Variants in MYPN observed in about 807,000 individuals in gnomAD.
MYPN encodes sarcomeric protein myopalladin, 145 kDa (MYOP).
In MYPN, 63 loss-of-function variants were observed where a neutral mutation model predicts 129.4. The observed-to-expected ratio is 0.49, with a 90% CI of 0.40 to 0.60. The LOEUF (loss-of-function observed/expected upper bound fraction) is 0.60, where lower values mean the gene tolerates loss of function less well. MYPN is among the 20% of genes least tolerant of loss of function. The pLI is 0.00. For missense variants in MYPN, 1,596 were observed against 1,635.4 expected (o/e 0.98, Z 0.42); for synonymous variants, 629 against 600.9 (o/e 1.05, Z -0.68).
At chr10:68,105,653 A>G (rs766438177), upstream of MYPN, among the ~76,000 whole-genome samples, 6 of 152,254 alleles carry the variant, frequency 3.9e-5, no homozygotes, top group Non-Finnish European at 8.8e-5. Context: ...AATGCAAACC[A>G]CACAGTAAAG....
At chr10:68,091,393 C>CTTTTTTTTTTTTTTT (rs11301512) in intron 1 of MYPN, among the ~76,000 whole-genome samples, 1 of 106,760 alleles carries the variant, frequency 9.4e-6, no homozygotes, top group African/African-American at 4.0e-5. Context: ...GACTACAGCC[C>CTTTTTTTTTTTTTTT]TTTTTTTTTT....
At chr10:68,168,467 G>A (rs2043087859) in intron 10 of MYPN, among the ~76,000 whole-genome samples, 1 of 152,220 alleles carries the variant, frequency 6.6e-6, no homozygotes, top group Non-Finnish European at 1.5e-5. Context: ...GTCAATATGA[G>A]TGACTGCGGC....
At chr10:68,147,635 T>A (rs1291010950) in intron 4 of MYPN, among the ~76,000 whole-genome samples, 1 of 152,176 alleles carries the variant, frequency 6.6e-6, no homozygotes, top group Non-Finnish European at 1.5e-5. Context: ...CTGACGTGTG[T>A]AATTACTGAT....
At chr10:68,127,319 C>CTTTTTT (rs71470508) in intron 2 of MYPN, among the ~76,000 whole-genome samples, 79 of 72,574 alleles carry the variant, frequency 1.1e-3, no homozygotes, top group East Asian at 2.4e-3. Context: ...ACACATATAT[C>CTTTTTT]TTTTTTTTTT....
At chr10:68,111,496 C>T (rs771643201) in intron 1 of MYPN, among the ~76,000 whole-genome samples, 1 of 152,000 alleles carries the variant, frequency 6.6e-6, no homozygotes, top group African/African-American at 2.4e-5. Context: ...CAGGTTTTCC[C>T]CTCTCCTAGG....
At chr10:68,180,090 C>T (rs1183720385) in intron 12 of MYPN, among the ~76,000 whole-genome samples, 1 of 152,156 alleles carries the variant, frequency 6.6e-6, no homozygotes, top group Admixed American at 6.6e-5. Context: ...TAGGTACTTA[C>T]TAAGAATTTG....
At chr10:68,132,241 T>C (rs759180303) in intron 2 of MYPN, among the ~76,000 whole-genome samples, 2 of 152,232 alleles carry the variant, frequency 1.3e-5, no homozygotes, top group Non-Finnish European at 2.9e-5. Flanking sequence ...TCTGCATTTA[T>C]TGAGCTTATC....
At chr10:68,160,465 A>AG (rs1313414080) in intron 7 of MYPN, among the ~76,000 whole-genome samples, 2 of 148,644 alleles carry the variant, frequency 1.3e-5, no homozygotes, top group African/African-American at 2.5e-5. Context: ...ACAGAGAGAG[A>AG]GAAAAAAAAA....
At chr10:68,156,865 T>C (rs951732960) in intron 6 of MYPN, among the ~76,000 whole-genome samples, 2 of 152,248 alleles carry the variant, frequency 1.3e-5, no homozygotes, top group Non-Finnish European at 2.9e-5. Context: ...CATGCAGCAT[T>C]TGTTGCTTAC....
At chr10:68,139,155 G>A (rs2042534400) in intron 2 of MYPN, among the ~76,000 whole-genome samples, 1 of 152,134 alleles carries the variant, frequency 6.6e-6, no homozygotes, top group Non-Finnish European at 1.5e-5. Flanking sequence ...TTCACTAACG[G>A]CTCAGAAGAG....
At chr10:68,131,260 G>C (rs1370686554) in intron 2 of MYPN, among the ~76,000 whole-genome samples, 4 of 151,876 alleles carry the variant, frequency 2.6e-5, no homozygotes, top group Non-Finnish European at 5.9e-5. Context: ...ATAGTGGCGG[G>C]CACCTGCAGT....
In MYPN at chr10:68,096,784, A is replaced by T. The variant is rs905861704; in HGVS notation, c.-2+8792A>T. 3.3e-5 allele frequency among the ~76,000 whole-genome samples: 5 copies of T among 152,180 alleles called. No homozygotes were observed. In the South Asian group the frequency reaches 1.0e-3, roughly 32 times the overall value. ...AATTCACGATCATAGAAAGGTTAGGATATTCCTCACTTTCCTAGATTTCTC... is the reference window on the plus strand; with the variant it reads ...AATTCACGATCATAGAAAGGTTAGGTTATTCCTCACTTTCCTAGATTTCTC... On this transcript the variant is annotated intron_variant, in intron 1 of 6. Coordinates refer to the MYPN transcript ENST00000685154.
In MYPN at chr10:68,129,531, C is replaced by A. The variant is rs76617493; in HGVS notation, c.902+7191C>A. Among the ~76,000 whole-genome samples the A allele has an allele frequency of 9.7e-3, 1,473 of 152,190 alleles. 36 individuals are homozygous for A. The highest frequency in any genetic ancestry group is 0.096 in the East Asian group (494 of 5,170). On this transcript the variant is annotated intron_variant, in intron 2 of 19. Transcript: ENST00000358913. ...TTTACAGGTTTTTTCCTAATATGAA[C>A]AATGTCATTACAAATGTTCTAGTAT...
intron 15 of MYPN, 72 bp downstream of exon 15, chr10:68,195,604 A>G: frequency 8.3e-7 from 1 of 1,198,112 alleles, no homozygotes; most frequent in Non-Finnish European, 1.2e-6. Flanking sequence ...GCACCAAAGT[A>G]CTGGATCCAC....
chr10:68,144,462 T>G (rs2042629247), intron 3 of MYPN, among the ~76,000 whole-genome samples: 1 of 152,206 alleles, frequency 6.6e-6, no homozygotes. Context: ...TTGATAAACA[T>G]TTTTTGAATA....
intron 1 of MYPN, among the ~76,000 whole-genome samples, chr10:68,110,000 T>C (rs1253837452): frequency 6.6e-6 from 1 of 152,234 alleles, no homozygotes; most frequent in Non-Finnish European, 1.5e-5. Flanking sequence ...GCATATCTCA[T>C]TGGCATTTTC....
chr10:68,098,766 C>T (rs1162080412), intron 1 of MYPN, among the ~76,000 whole-genome samples: 1 of 152,048 alleles, frequency 6.6e-6, no homozygotes, highest in Admixed American at 6.6e-5. Context: ...TCGCTTGAAC[C>T]CAGGAGGCAG....
chr10:68,111,783 A>G (rs1240378430), intron 1 of MYPN, among the ~76,000 whole-genome samples: 1 of 152,190 alleles, frequency 6.6e-6, no homozygotes, highest in Admixed American at 6.5e-5. Context: ...GGAGACCTCC[A>G]CTCGGAGTCA....
chr10:68,145,915 A>G (rs151254331), intron 4 of MYPN, among the ~76,000 whole-genome samples: 5 of 151,584 alleles, frequency 3.3e-5, no homozygotes, highest in African/African-American at 1.2e-4. Flanking sequence ...CCTTGAGTCA[A>G]CTCCTCCTTC....
Sources: gnomAD v4.1 joint callset for allele counts (sites outside exome capture counted in the v4.1 genomes callset) on GRCh38, gnomAD v4.1.1 for gene constraint, MANE v1.5 for transcripts, NCBI Gene and HGNC (gene_info 2026-07-23, HGNC 2026-07-21) for gene names.